The following WDR64 variants were observed in gnomAD, a reference collection of about 807,000 sequenced individuals.
WDR64 encodes the protein WD repeat domain 64.
A neutral mutation model predicts 139.3 loss-of-function variants in WDR64; 112 were observed. That is an observed-to-expected ratio of 0.80 (90% CI 0.69 to 0.94). WDR64 has a LOEUF of 0.94. Ranked by LOEUF, WDR64 falls within the 40% of genes least tolerant of loss-of-function variation. WDR64 has a pLI of 0.00. For missense variants in WDR64, 1,206 were observed against 1,293.1 expected (o/e 0.93, Z 1.03); for synonymous variants, 444 against 437.7 (o/e 1.01, Z -0.18).
In WDR64 at chr1:241,757,354, G is replaced by C. The variant is rs990562052; in HGVS notation, c.1842G>C (p.Gly614=). 1 of 1,614,066 alleles carries C rather than the reference G, an allele frequency of 6.2e-7. No homozygotes were observed. The highest frequency in any genetic ancestry group is 1.7e-5 in the Admixed American group (1 of 60,006). The change falls in exon 15 of 28, where the codon GGG becomes GGC. Residue 614 remains glycine (G), a synonymous_variant. Transcript: ENST00000437684. The stretch of plus-strand genomic sequence containing the variant: ...ATGTTGTGCCTTTCCTACAAGATGG[G>C]AAACATGCTGTGCATCTGAGAATGT... ...LPDVVPFLQD[G]KHAVHLRMST... is the part of the protein sequence containing the mutation.
At chr1:241,760,759 A>ATTTTTT (rs71174847) in intron 15 of WDR64, among the ~76,000 whole-genome samples, 56 of 87,066 alleles carry the variant, frequency 6.4e-4, no homozygotes, top group African/African-American at 9.8e-4. Flanking sequence ...GTGGGTTTCC[A>ATTTTTT]TTTTTTTTTT....
At chr1:241,688,995 G>A (rs1296848034) in intron 8 of WDR64, among the ~76,000 whole-genome samples, 1 of 152,132 alleles carries the variant, frequency 6.6e-6, no homozygotes, top group Non-Finnish European at 1.5e-5. Context: ...TATGTTATCA[G>A]AGTCTAAGCT....
chr1:241,734,704 G>C (rs1346974420), intron 10 of WDR64, among the ~76,000 whole-genome samples: 7 of 151,862 alleles, frequency 4.6e-5, no homozygotes, highest in African/African-American at 1.7e-4. Context: ...TAGTCTAGTA[G>C]AGAAGGCCAC....
intron 8 of WDR64, among the ~76,000 whole-genome samples, chr1:241,695,247 T>C (rs548578540): frequency 1.3e-4 from 20 of 152,348 alleles, no homozygotes; most frequent in Admixed American, 4.6e-4. Flanking sequence ...AATTTACCAT[T>C]GTCTGTGTTC....
At chr1:241,658,476 C>CA (rs1422299566) in intron 1 of WDR64, among the ~76,000 whole-genome samples, 2 of 151,446 alleles carry the variant, frequency 1.3e-5, no homozygotes, top group South Asian at 2.1e-4. Context: ...CCTGTCTCTG[C>CA]AAAAAATAAA....
chr1:241,660,807 G>A, intron 2 of WDR64, 147 bp downstream of exon 2: 1 of 783,832 alleles, frequency 1.3e-6, no homozygotes. Flanking sequence ...TTAGGACATG[G>A]CCACTGCCCA....
intron 4 of WDR64, chr1:241,677,508 T>C (rs1413965675): frequency 2.5e-6 from 1 of 398,486 alleles, no homozygotes; most frequent in Non-Finnish European, 4.4e-6. Context: ...CATCTGAGCA[T>C]GTAAAAGAAA....
intron 8 of WDR64, among the ~76,000 whole-genome samples, chr1:241,699,347 C>T (rs1006336395): frequency 1.4e-4 from 22 of 152,290 alleles, no homozygotes; most frequent in Admixed American, 1.2e-3. Context: ...AACTCTACAG[C>T]AGCCATCTGA....
chr1:241,703,797 ACTT>A lies in WDR64; in HGVS notation c.975-8004_975-8002del, dbSNP rs1047037166. Among the ~76,000 whole-genome samples, 4 of 152,190 alleles carry A rather than the reference ACTT, an allele frequency of 2.6e-5. No homozygotes were observed. The highest frequency in any genetic ancestry group is 9.7e-5 in the African/African-American group (4 of 41,450). ...CACATGGCTGGGGAGGCTTCAGGAA[ACTT>A]ACAATCATGGCGGAAGGTGAAAGGG... is the stretch of plus-strand genomic sequence containing the variant. On this transcript the variant is annotated intron_variant, in intron 8 of 27. Coordinates refer to ENST00000437684, the MANE Select transcript of WDR64 (RefSeq NM_001367482.1). The surrounding 1 kb of genome is among the most constrained non-coding windows in gnomAD (Gnocchi z 5.9).
At chr1:241,722,419 G>C (rs1668643721) in intron 9 of WDR64, among the ~76,000 whole-genome samples, 1 of 151,958 alleles carries the variant, frequency 6.6e-6, no homozygotes, top group Non-Finnish European at 1.5e-5. Flanking sequence ...TACCACACTT[G>C]GGACTTTATC....
At chr1:241,691,522 AAC>A (rs1420626366) in intron 8 of WDR64, among the ~76,000 whole-genome samples, 2 of 152,164 alleles carry the variant, frequency 1.3e-5, no homozygotes, top group Middle Eastern at 3.2e-3. Context: ...TTACTATAAA[AAC>A]ACTTAGCAAA....
At chr1:241,782,024 C>T (rs757442933) in intron 22 of WDR64, among the ~76,000 whole-genome samples, 5 of 152,196 alleles carry the variant, frequency 3.3e-5, no homozygotes, top group African/African-American at 9.6e-5. Flanking sequence ...CGGTGGCTCA[C>T]GCCTGTAATC....
chr1:241,799,376 CAAA>C (rs146121342), intron 27 of WDR64, among the ~76,000 whole-genome samples: 1 of 103,986 alleles, frequency 9.6e-6, no homozygotes. Flanking sequence ...AACTCTGTCT[CAAA>C]AAAAAAAAAA....
intron 11 of WDR64, among the ~76,000 whole-genome samples, chr1:241,739,159 C>T (rs367561337): frequency 1.4e-4 from 21 of 152,316 alleles, no homozygotes; most frequent in African/African-American, 5.1e-4. Context: ...AGATTTGTTG[C>T]TGATTTTTCT....
Position 241,802,165 on chromosome 1 carries a change from A to T in WDR64, c.*950A>T. ...AAAAGCCTAGTTTCCACAACAGAAG[A>T]ATGACTAAACAAACTATGGTAGGGT... On this transcript the variant is annotated 3_prime_UTR_variant, in exon 28 of 28. Transcript: ENST00000437684. 2.5e-6 allele frequency: 1 copy of T among 397,756 alleles called. No homozygotes were observed. The highest frequency in any genetic ancestry group is 4.4e-6 in the Non-Finnish European group (1 of 225,854). 24.6% of individuals were successfully genotyped at this position (397,756 alleles called of 1,614,324 possible).
intron 8 of WDR64, among the ~76,000 whole-genome samples, chr1:241,704,136 A>G (rs982961569): frequency 6.6e-6 from 1 of 152,102 alleles, no homozygotes; most frequent in African/African-American, 2.4e-5. Flanking sequence ...GTCTGGTGCC[A>G]CTCTGCTATG....
chr1:241,787,198 CAAAAA>C (rs67336689), intron 23 of WDR64, among the ~76,000 whole-genome samples: 1 of 128,216 alleles, frequency 7.8e-6, no homozygotes, highest in African/African-American at 3.1e-5. Context: ...ACTAAAAATA[CAAAAA>C]AAAAAAAAAA....
At chr1:241,783,107 A>G (rs1464294899) in intron 22 of WDR64, among the ~76,000 whole-genome samples, 165 bp from the exon 23 acceptor site, 1 of 152,234 alleles carries the variant, frequency 6.6e-6, no homozygotes. Context: ...TTGTACCCCA[A>G]CAAGCAAGAG....
At chr1:241,783,235 G>A (rs1658911658) in intron 22 of WDR64, 37 bp from the exon 23 acceptor site, 1 of 1,548,586 alleles carries the variant, frequency 6.5e-7, no homozygotes, top group African/African-American at 1.4e-5. Flanking sequence ...CTAGCATATA[G>A]TTATTCCGAG....
Sources: gnomAD v4.1 joint callset for allele counts (sites outside exome capture counted in the v4.1 genomes callset) on GRCh38, gnomAD v4.1.1 for gene constraint, Gnocchi (gnomAD v3.1) non-coding constraint, MANE v1.5 for transcripts, NCBI Gene and HGNC (gene_info 2026-07-23, HGNC 2026-07-21) for gene names.